Variants in CERS3 observed in about 807,000 individuals in gnomAD.
The protein encoded by CERS3 is LAG1 homolog, ceramide synthase 3.
Under a neutral mutation model 50.3 loss-of-function variants are expected in CERS3, and 33 were observed. The ratio of observed to expected loss-of-function variants is 0.66; its 90% confidence interval spans 0.50 to 0.88. The LOEUF is 0.88. CERS3 is among the 40% of genes least tolerant of loss of function. The pLI is 0.00. For missense variants in CERS3, 470 were observed against 460.3 expected (o/e 1.02, Z -0.19); for synonymous variants, 176 against 155.2 (o/e 1.13, Z -0.99).
chr15:100,446,796 C>G (rs1317867469), intron 11 of CERS3, among the ~76,000 whole-genome samples: 1 of 152,112 alleles, frequency 6.6e-6, no homozygotes. Context: ...CAATGTAAAC[C>G]TGAAAATCTA....
At chr15:100,457,741 A>G (rs2034423455) in intron 10 of CERS3, among the ~76,000 whole-genome samples, 1 of 152,234 alleles carries the variant, frequency 6.6e-6, no homozygotes, top group Non-Finnish European at 1.5e-5. Flanking sequence ...TAATAAACTG[A>G]AAAACTATTT....
chr15:100,415,347 T>A (rs1356762180), intron 11 of CERS3, among the ~76,000 whole-genome samples: 1 of 150,240 alleles, frequency 6.7e-6, no homozygotes, highest in East Asian at 1.9e-4. Flanking sequence ...AAACTTGCAT[T>A]GGGAATGCAA....
intron 11 of CERS3, among the ~76,000 whole-genome samples, chr15:100,450,416 C>CAA (rs34873483): frequency 0.02 from 1,276 of 63,348 alleles, 43 homozygotes; most frequent in South Asian, 0.039. Context: ...GACTCTGTCT[C>CAA]AAAAAAAAAA....
At chr15:100,440,556 T>C (rs1391873717) in intron 11 of CERS3, among the ~76,000 whole-genome samples, 4 of 152,220 alleles carry the variant, frequency 2.6e-5, no homozygotes, top group Admixed American at 1.3e-4. Context: ...ATAAACAGCC[T>C]TGTTGCTTAC....
intron 7 of CERS3, among the ~76,000 whole-genome samples, chr15:100,479,120 T>A (rs757545744): frequency 1.3e-5 from 2 of 152,104 alleles, no homozygotes; most frequent in Non-Finnish European, 2.9e-5. Flanking sequence ...GTATTTTTTT[T>A]AATTACTTGA....
chr15:100,456,091 C>A, intron 10 of CERS3, 45 bp from the exon 11 acceptor site: 7 of 1,463,922 alleles, frequency 4.8e-6, no homozygotes, highest in East Asian at 2.5e-5. Context: ...AACCAAAGCA[C>A]CTATGAATTT....
Position 100,503,232 on chromosome 15 carries a change from C to T in CERS3, c.-1-1382G>A, listed in dbSNP as rs530649445. On this transcript the variant is annotated intron_variant, in intron 2 of 11. Coordinates refer to ENST00000679737, the MANE Select transcript of CERS3 (RefSeq NM_001378789.1). ...ATAACAAGGCGCACATAGAAAACTA[C>T]CAGTGGGTTGGTACTACCACAGTGA... 2.6e-5 allele frequency among the ~76,000 whole-genome samples: 4 copies of T among 152,292 alleles called. No homozygotes were observed. The East Asian group carries it at 7.7e-4, about 29-fold the overall frequency.
intron 1 of CERS3, among the ~76,000 whole-genome samples, chr15:100,537,688 G>A (rs561466718): frequency 8.7e-4 from 132 of 152,316 alleles, no homozygotes; most frequent in Non-Finnish European, 1.6e-3. Flanking sequence ...CCATGGACAT[G>A]TGAGGATTAT....
chr15:100,490,677 A>G, intron 4 of CERS3, 140 bp downstream of exon 4: 1 of 616,646 alleles, frequency 1.6e-6, no homozygotes, highest in South Asian at 2.0e-5. Flanking sequence ...AACAGAACAA[A>G]GAAACAATAA....
intron 10 of CERS3, among the ~76,000 whole-genome samples, chr15:100,467,436 C>T (rs1389573397): frequency 6.6e-6 from 1 of 152,036 alleles, no homozygotes; most frequent in Non-Finnish European, 1.5e-5. Flanking sequence ...TGGCTTGGTA[C>T]ATTTTTAAAG....
At chr15:100,418,257 C>T (rs2032120798) in intron 11 of CERS3, among the ~76,000 whole-genome samples, 1 of 152,008 alleles carries the variant, frequency 6.6e-6, no homozygotes, top group South Asian at 2.1e-4. Flanking sequence ...GAGCTGAAAA[C>T]CAAGGCCCGA....
At chr15:100,452,360 T>C (rs1008577100) in intron 11 of CERS3, among the ~76,000 whole-genome samples, 2 of 152,132 alleles carry the variant, frequency 1.3e-5, no homozygotes, top group African/African-American at 4.8e-5. Flanking sequence ...AATTAAACTT[T>C]GAAAACTGTA....
chr15:100,408,226 T>C lies in CERS3; in HGVS notation c.1000-5361A>G, dbSNP rs369307735. Among the ~76,000 whole-genome samples the C allele has an allele frequency of 3.3e-4, 51 of 152,350 alleles. No homozygotes were observed. The East Asian group carries it at 6.9e-3, about 21-fold the overall frequency. On this transcript the variant is annotated intron_variant, in intron 11 of 11. Transcript: ENST00000679737. ...AGATTTTGGTATGTGTGGGTAGTCC[T>C]GGAACCAATCCCCCATGGATACCGA... is the stretch of plus-strand genomic sequence containing the variant.
At chr15:100,468,633 A>C (rs922130805) in intron 10 of CERS3, among the ~76,000 whole-genome samples, 5 of 152,258 alleles carry the variant, frequency 3.3e-5, no homozygotes, top group Admixed American at 2.0e-4. Flanking sequence ...CTAGCCCCAA[A>C]TTATGGTTGG....
chr15:100,506,547 G>A (rs893595268), intron 2 of CERS3, among the ~76,000 whole-genome samples: 1 of 151,156 alleles, frequency 6.6e-6, no homozygotes, highest in Admixed American at 6.6e-5. Flanking sequence ...ACAGGCTGTT[G>A]GTTTCTCAAA....
rs555978827 is a variant in CERS3, at chr15:100,500,911, C to G, written c.173+766G>C. Among the ~76,000 whole-genome samples, 26 of 152,260 alleles carry G rather than the reference C, an allele frequency of 1.7e-4. No homozygotes were observed. In the South Asian group the frequency reaches 5.4e-3, roughly 32 times the overall value. ...AAATGATCTCTATCAGATTTTGTCTCAAGTTTTTCCAACTCTTGACATTTG... is the reference window on the plus strand; with the variant it reads ...AAATGATCTCTATCAGATTTTGTCTGAAGTTTTTCCAACTCTTGACATTTG... On this transcript the variant is annotated intron_variant, in intron 3 of 11. Transcript: ENST00000679737.
chr15:100,418,016 C>T (rs190062315), intron 11 of CERS3, among the ~76,000 whole-genome samples: 4 of 152,204 alleles, frequency 2.6e-5, no homozygotes, highest in African/African-American at 9.6e-5. Context: ...CTCTAAAACG[C>T]AGAGCACCTC....
At chr15:100,493,027 T>A (rs1223054665) in intron 3 of CERS3, among the ~76,000 whole-genome samples, 1 of 152,208 alleles carries the variant, frequency 6.6e-6, no homozygotes, top group Non-Finnish European at 1.5e-5. Context: ...TAAATTGTGT[T>A]CTGATCAACA....
intron 11 of CERS3, among the ~76,000 whole-genome samples, chr15:100,443,378 C>T (rs2033788766): frequency 1.3e-5 from 2 of 149,726 alleles, no homozygotes; most frequent in African/African-American, 4.9e-5. Context: ...TTACAATTCC[C>T]CCATTTCACT....
Sources: allele counts gnomAD v4.1 joint callset (sites outside exome capture counted in the v4.1 genomes callset), GRCh38; gene constraint gnomAD v4.1.1; transcripts MANE v1.5; gene names NCBI Gene and HGNC (gene_info 2026-07-23, HGNC 2026-07-21).